Variants in GRAMD2B observed in about 807,000 individuals in gnomAD.
The protein encoded by GRAMD2B is GRAM domain-containing protein 2B.
Under a neutral mutation model 59.2 loss-of-function variants are expected in GRAMD2B, and 41 were observed. The ratio of observed to expected loss-of-function variants is 0.69; its 90% CI spans 0.54 to 0.90. The LOEUF is 0.90. GRAMD2B is among the 40% of genes least tolerant of loss of function. The pLI is 0.00. For missense variants in GRAMD2B, 424 were observed against 500.5 expected (o/e 0.85, Z 1.46); for synonymous variants, 161 against 182.7 (o/e 0.88, Z 0.96).
At chr5:126,377,403 C>T (rs1046201047) in intron 1 of GRAMD2B, among the ~76,000 whole-genome samples, 9 of 152,114 alleles carry the variant, frequency 5.9e-5, no homozygotes, top group African/African-American at 1.9e-4. Flanking sequence ...ACAGCTTCTA[C>T]TGTCCAAGGC....
intron 1 of GRAMD2B, among the ~76,000 whole-genome samples, chr5:126,385,775 T>C (rs1442336953): frequency 2.0e-5 from 3 of 151,852 alleles, no homozygotes; most frequent in Non-Finnish European, 4.4e-5. Flanking sequence ...GAAAGTAGAG[T>C]AGAAGGCAGA....
At chr5:126,478,748 A>T (rs1229777701) in intron 6 of GRAMD2B, among the ~76,000 whole-genome samples, 1 of 152,188 alleles carries the variant, frequency 6.6e-6, no homozygotes, top group Non-Finnish European at 1.5e-5. Context: ...GTCTCAAAAA[A>T]GTAATAAATA....
At chr5:126,465,603 A>G in intron 2 of GRAMD2B, 58 bp downstream of exon 2, 1 of 1,503,496 alleles carries the variant, frequency 6.7e-7, no homozygotes, top group Non-Finnish European at 9.1e-7. Context: ...AAGGCGTTAC[A>G]GGAGGAGCAG....
chr5:126,389,815 G>A (rs1756553513), intron 1 of GRAMD2B, among the ~76,000 whole-genome samples: 1 of 152,022 alleles, frequency 6.6e-6, no homozygotes, highest in African/African-American at 2.4e-5. Flanking sequence ...GGATGTGGTG[G>A]TGCGTGCTTG....
chr5:126,435,661 C>G (rs977984928), intron 1 of GRAMD2B, among the ~76,000 whole-genome samples: 4 of 152,212 alleles, frequency 2.6e-5, no homozygotes, highest in Admixed American at 2.6e-4. Flanking sequence ...TTTATTAGAT[C>G]CCTTCCAACC....
intron 1 of GRAMD2B, among the ~76,000 whole-genome samples, chr5:126,438,247 G>GTTTTGT (rs1462463843): frequency 6.6e-6 from 1 of 152,156 alleles, no homozygotes; most frequent in Admixed American, 6.6e-5. Context: ...TCAATGAAAA[G>GTTTTGT]TTTTGTTTTT....
chr5:126,361,671 A>T (rs2149681976), intron 1 of GRAMD2B, among the ~76,000 whole-genome samples: 1 of 152,268 alleles, frequency 6.6e-6, no homozygotes, highest in African/African-American at 2.4e-5. Context: ...TAAACTGCCC[A>T]GGGCTCTGCA....
intron 1 of GRAMD2B, among the ~76,000 whole-genome samples, chr5:126,413,127 G>C (rs899025237): frequency 2.6e-5 from 4 of 151,942 alleles, no homozygotes; most frequent in African/African-American, 9.7e-5. Flanking sequence ...TCTAATTTTA[G>C]TTATTTATTT....
Position 126,485,722 on chromosome 5 carries a change from AG to A in GRAMD2B, c.1008del (p.Lys336AsnfsTer22), listed in dbSNP as rs755862118. 6.2e-7 allele frequency: 1 copy of A among 1,612,952 alleles called. No individual in the cohort carries two copies. The highest frequency in any genetic ancestry group is 1.1e-5 in the South Asian group (1 of 90,984). ...SETVGILHKVKSQKCPMLHHI... is the reference protein window; with the variant it reads ...SETVGILHKVXSQKCPMLHHI... ...ACTGTTGGAATCTTACATAAAGTCAAGTCTCAGAAATGTCCGATGCTTCACC... is the reference window on the plus strand; with the variant it reads ...ACTGTTGGAATCTTACATAAAGTCAATCTCAGAAATGTCCGATGCTTCACC... On this transcript the variant is annotated frameshift_variant, in exon 11 of 14. Coordinates refer to ENST00000285689, the MANE Select transcript of GRAMD2B (RefSeq NM_023927.4). LOFTEE classifies it high-confidence loss of function.
chr5:126,378,843 C>T (rs906284689), intron 1 of GRAMD2B, among the ~76,000 whole-genome samples: 2 of 152,062 alleles, frequency 1.3e-5, no homozygotes, highest in African/African-American at 4.8e-5. Flanking sequence ...TTTTTTCAGA[C>T]CACCAAAAAT....
chr5:126,444,092 CACT>C (rs1231593127), intron 1 of GRAMD2B, among the ~76,000 whole-genome samples: 1 of 151,980 alleles, frequency 6.6e-6, no homozygotes, highest in South Asian at 2.1e-4. Flanking sequence ...ACTCCACCAC[CACT>C]AATACCACCA....
chr5:126,443,869 G>A (rs1052150434), intron 1 of GRAMD2B, among the ~76,000 whole-genome samples: 2 of 152,126 alleles, frequency 1.3e-5, no homozygotes, highest in African/African-American at 2.4e-5. Flanking sequence ...GGCCAACATA[G>A]TGAAACGCTG....
At chr5:126,421,462 A>G (rs1759721699), upstream of GRAMD2B, among the ~76,000 whole-genome samples, 2 of 152,170 alleles carry the variant, frequency 1.3e-5, no homozygotes, top group Non-Finnish European at 2.9e-5. Context: ...AGGAAGAGGC[A>G]ACTATGGGCA....
At chr5:126,360,749 G>C (rs1001307451) in intron 1 of GRAMD2B, among the ~76,000 whole-genome samples, 4 of 152,124 alleles carry the variant, frequency 2.6e-5, no homozygotes, top group Non-Finnish European at 4.4e-5. Context: ...AAGCTGAAAG[G>C]GGAATTCAAG....
intron 1 of GRAMD2B, among the ~76,000 whole-genome samples, chr5:126,382,500 T>C (rs1755740120): frequency 6.6e-6 from 1 of 152,212 alleles, no homozygotes; most frequent in Non-Finnish European, 1.5e-5. Context: ...TTCCAGTGTA[T>C]TTTGCGTTTC....
intron 1 of GRAMD2B, among the ~76,000 whole-genome samples, chr5:126,430,702 A>AGAAAAG (rs2149799810): frequency 6.6e-6 from 1 of 152,344 alleles, no homozygotes; most frequent in South Asian, 2.1e-4. Context: ...AAAAAGAAAA[A>AGAAAAG]GAAAAGAAAG....
intron 1 of GRAMD2B, among the ~76,000 whole-genome samples, chr5:126,450,379 T>C (rs746589455): frequency 2.0e-5 from 3 of 152,198 alleles, no homozygotes; most frequent in Admixed American, 6.5e-5. Context: ...TCTAGCATAA[T>C]ATATTCTCTC....
intron 1 of GRAMD2B, among the ~76,000 whole-genome samples, chr5:126,403,587 G>A (rs1233228815): frequency 6.6e-6 from 1 of 151,678 alleles, no homozygotes; most frequent in Non-Finnish European, 1.5e-5. Flanking sequence ...TTAGGCTCTA[G>A]GGGAAAAAAG....
chr5:126,360,346 G>A, exon 1 of GRAMD2B: 1 of 1,551,296 alleles, frequency 6.4e-7, no homozygotes, highest in South Asian at 1.2e-5. Context: ...CAAGGAGACA[G>A]CAAGTCCTAC....
Sources: gnomAD v4.1 joint callset for allele counts (sites outside exome capture counted in the v4.1 genomes callset) on GRCh38, gnomAD v4.1.1 for gene constraint, MANE v1.5 for transcripts, NCBI Gene and HGNC (gene_info 2026-07-23, HGNC 2026-07-21) for gene names.